The following APLF variants were observed in gnomAD, a reference collection of about 807,000 sequenced individuals.
APLF encodes the protein aprataxin and PNK-like factor.
APLF carries 61 observed loss-of-function variants against 55.6 expected under a neutral mutation model. That is an observed-to-expected ratio of 1.10 (90% CI 0.89 to 1.36). APLF has a LOEUF of 1.36. Among genes scored for constraint, APLF ranks in the 40% most tolerant of loss-of-function variants. The pLI, the probability that APLF is intolerant of heterozygous loss-of-function variation, is 0.00. For synonymous variants in APLF, 207 were observed against 214.8 expected (o/e 0.96, Z 0.32); for missense variants, 611 against 602.5 (o/e 1.01, Z -0.15).
chr2:68,488,050 G>C (rs192565031), intron 1 of APLF, among the ~76,000 whole-genome samples: 1 of 152,102 alleles, frequency 6.6e-6, no homozygotes, highest in Non-Finnish European at 1.5e-5. Flanking sequence ...GATAGGAAAA[G>C]TTCATGTATT....
At chr2:68,519,471 G>A (rs1039234069) in intron 5 of APLF, among the ~76,000 whole-genome samples, 14 of 149,406 alleles carry the variant, frequency 9.4e-5, no homozygotes, top group African/African-American at 3.4e-4. Flanking sequence ...GAAAGAAAAG[G>A]AGTTATTTGC....
intron 1 of APLF, among the ~76,000 whole-genome samples, chr2:68,472,060 C>G (rs1675633523): frequency 6.6e-6 from 1 of 152,142 alleles, no homozygotes; most frequent in South Asian, 2.1e-4. Context: ...TTCTGGTTGA[C>G]AATTAGTTGA....
At chr2:68,567,430 A>C in intron 9 of APLF, 43 bp downstream of exon 9, 10 of 1,423,276 alleles carry the variant, frequency 7.0e-6, no homozygotes, top group African/African-American at 1.5e-5. Flanking sequence ...AAACCTTTAA[A>C]TGATTTTCCT....
intron 3 of APLF, 111 bp downstream of exon 3, chr2:68,503,014 G>A (rs1676769327): frequency 1.7e-6 from 2 of 1,163,416 alleles, no homozygotes; most frequent in East Asian, 5.1e-5. Context: ...AGATAGAGTA[G>A]GTGTGTAATG....
chr2:68,533,200 A>G (rs1028626979), intron 6 of APLF, among the ~76,000 whole-genome samples: 4 of 152,176 alleles, frequency 2.6e-5, no homozygotes, highest in Non-Finnish European at 4.4e-5. Context: ...CTCACACCAG[A>G]TGCTGGTGCC....
intron 3 of APLF, among the ~76,000 whole-genome samples, chr2:68,504,262 T>C (rs1208627327): frequency 6.6e-6 from 1 of 151,954 alleles, no homozygotes; most frequent in East Asian, 1.9e-4. Flanking sequence ...ATTATTCTTT[T>C]TTCTCAAAAA....
At position 68,529,086 on chromosome 2, in the gene APLF, T is replaced by A; in HGVS notation, c.804+2844T>A. Reference sequence around the variant, plus strand: ...GGAAGTTGAAGGTTAAACTTGCCTCTGAGACGAGGGATCCTCACGGGGCTG... The same window carrying A: ...GGAAGTTGAAGGTTAAACTTGCCTCAGAGACGAGGGATCCTCACGGGGCTG... On this transcript the variant is annotated intron_variant, in intron 6 of 9. Coordinates refer to ENST00000303795, the MANE Select transcript of APLF (RefSeq NM_173545.3). This position sits in a 1 kb window ranked among gnomAD's most constrained non-coding sequence, Gnocchi z 4.4. The A allele has an allele frequency of 1.4e-6, 2 of 1,400,794 alleles. No individual in the cohort carries two copies. Among genetic ancestry groups the A allele is most frequent in the Non-Finnish European group, 2.0e-6 (2 of 1,023,836 alleles). 86.8% of individuals were successfully genotyped at this position (1,400,794 alleles called of 1,614,324 possible). A position where few individuals can be genotyped will look rare whatever the true frequency, so the allele number is the denominator to read the frequency against.
intron 8 of APLF, among the ~76,000 whole-genome samples, chr2:68,565,514 G>GATAC (rs372500629): frequency 0.13 from 19,201 of 148,932 alleles, 1,338 homozygotes; most frequent in Middle Eastern, 0.16. Flanking sequence ...TAGACAGATA[G>GATAC]ATACATACAT....
In APLF at chr2:68,578,259, G is replaced by C; in HGVS notation, c.*237G>C. The C allele has an allele frequency of 8.0e-7, 1 of 1,242,842 alleles. No homozygotes were observed. Among genetic ancestry groups the C allele is most frequent in the South Asian group, 2.1e-5 (1 of 47,986 alleles). The allele number at this position is 1,242,842 out of a possible 1,614,324, so 77.0% of individuals were successfully genotyped here. A position where few individuals can be genotyped will look rare whatever the true frequency, so the allele number is the denominator to read the frequency against. On this transcript the variant is annotated 3_prime_UTR_variant, in exon 10 of 10. Coordinates refer to ENST00000303795, the MANE Select transcript of APLF (RefSeq NM_173545.3). ...TAAAGCATCTGGAAATAGGAAGACA[G>C]AGAAGGTAGAGTAAAAATGGATATT...
Position 68,490,250 on chromosome 2 carries a change from C to G in APLF, c.157C>G (p.Arg53Gly). 1 of 1,611,154 alleles carries G rather than the reference C, an allele frequency of 6.2e-7. No individual in the cohort carries two copies. Among genetic ancestry groups the G allele is most frequent in the Non-Finnish European group, 8.5e-7 (1 of 1,179,014 alleles). Residue 53 changes from arginine to glycine, a missense_variant, in exon 2 of 10, where the codon CGA becomes GGA. By Grantham distance (125) the Arg-to-Gly change is moderately radical. Coordinates refer to ENST00000303795, the MANE Select transcript of APLF (RefSeq NM_173545.3). ...TCTTGAGGTGGCAGGTGGTCAGCTG[C>G]GAATCAAACCGGTAAATATGTTATT... ...AILEVAGGQL[R>G]IKPIHTNPCF...
intron 7 of APLF, among the ~76,000 whole-genome samples, chr2:68,544,452 A>G (rs1387560579): frequency 1.3e-5 from 2 of 152,192 alleles, no homozygotes; most frequent in Non-Finnish European, 2.9e-5. Flanking sequence ...TAAAGTAGAG[A>G]TTAAATAAAT....
intron 6 of APLF, among the ~76,000 whole-genome samples, chr2:68,536,433 C>T (rs768968403): frequency 6.6e-6 from 1 of 152,010 alleles, no homozygotes; most frequent in Non-Finnish European, 1.5e-5. Context: ...AGATGGCATC[C>T]AGCATACATG....
At chr2:68,516,943 TATATATAATATA>T (rs1343588123) in intron 5 of APLF, among the ~76,000 whole-genome samples, 1 of 123,510 alleles carries the variant, frequency 8.1e-6, no homozygotes, top group Non-Finnish European at 1.6e-5. Flanking sequence ...TATAATATAA[TATATATAATATA>T]ATATATAATA....
intron 5 of APLF, among the ~76,000 whole-genome samples, chr2:68,525,265 C>T (rs1417544511): frequency 1.3e-5 from 2 of 151,484 alleles, no homozygotes; most frequent in African/African-American, 4.9e-5. Flanking sequence ...CACTGCACTC[C>T]AGCCTGGGTG....
chr2:68,551,686 T>A (rs1321857513), intron 8 of APLF, among the ~76,000 whole-genome samples: 2 of 151,542 alleles, frequency 1.3e-5, no homozygotes, highest in Non-Finnish European at 2.9e-5. Flanking sequence ...CTACTCTTTT[T>A]TAAAAAACAT....
intron 2 of APLF, among the ~76,000 whole-genome samples, chr2:68,493,141 A>G (rs1676422269): frequency 6.6e-6 from 1 of 152,156 alleles, no homozygotes; most frequent in Non-Finnish European, 1.5e-5. Flanking sequence ...TCAAGTTACA[A>G]CTAATTGATG....
At position 68,578,659 on chromosome 2, in the gene APLF, C is replaced by G. The variant is rs889138532; in HGVS notation, c.*637C>G. On this transcript the variant is annotated 3_prime_UTR_variant, in exon 10 of 10. Coordinates refer to ENST00000303795, the MANE Select transcript of APLF (RefSeq NM_173545.3). ...AATGTTATTTTGTGTTCCACATCTG[C>G]AATTTACTGTATGTTTGAATTTAAA... is the stretch of plus-strand genomic sequence containing the variant. The G allele has an allele frequency of 2.0e-5, 20 of 985,196 alleles. No homozygotes were observed. The African/African-American group carries it at 3.3e-4, about 16-fold the overall frequency. The allele number at this position is 985,196 out of a possible 1,614,324, so 61.0% of individuals were successfully genotyped here. A position where few individuals can be genotyped will look rare whatever the true frequency, so the allele number is the denominator to read the frequency against.
chr2:68,484,984 G>A (rs574176010), intron 1 of APLF, among the ~76,000 whole-genome samples: 7 of 151,976 alleles, frequency 4.6e-5, no homozygotes, highest in Admixed American at 1.3e-4. Context: ...GTGTGTGTGC[G>A]CACATTTTTT....
chr2:68,518,852 T>C (rs1406167789), intron 5 of APLF, among the ~76,000 whole-genome samples: 1 of 126,684 alleles, frequency 7.9e-6, no homozygotes, highest in East Asian at 2.2e-4. Flanking sequence ...AATAAAATAC[T>C]AATATTATGT....
Sources: gnomAD v4.1 joint callset for allele counts (sites outside exome capture counted in the v4.1 genomes callset) on GRCh38, gnomAD v4.1.1 for gene constraint, Gnocchi (gnomAD v3.1) non-coding constraint, MANE v1.5 for transcripts, NCBI Gene and HGNC (gene_info 2026-07-23, HGNC 2026-07-21) for gene names.